The following TIGAR variants were observed in gnomAD, a reference collection of about 807,000 sequenced individuals.
TIGAR encodes the protein TP53 induced glycolysis regulatory phosphatase, also known as fructose-2,6-bisphosphatase TIGAR.
Under a neutral mutation model 17.9 loss-of-function variants are expected in TIGAR, and 7 were observed. The ratio of observed to expected loss-of-function variants is 0.39; its 90% CI spans 0.22 to 0.73. The LOEUF (loss-of-function observed/expected upper bound fraction) is 0.73. Ranked by LOEUF, TIGAR falls within the 30% of genes least tolerant of loss-of-function variation. The pLI is 0.42. For synonymous variants in TIGAR, 94 were observed against 108.6 expected, an observed-to-expected ratio of 0.87 and a Z score of 0.84; for missense variants, 258 against 327.4, an observed-to-expected ratio of 0.79 and a Z score of 1.64.
chr12:4,323,448 A>T (rs373295875), intron 1 of TIGAR, among the ~76,000 whole-genome samples: 28 of 152,334 alleles, frequency 1.8e-4, no homozygotes, highest in South Asian at 1.0e-3. Context: ...CATAGGAATC[A>T]TTTAAAAAAT....
intron 3 of TIGAR, among the ~76,000 whole-genome samples, chr12:4,348,156 AAAAT>A (rs949865703): frequency 3.9e-5 from 6 of 152,278 alleles, no homozygotes; most frequent in East Asian, 1.9e-4. Flanking sequence ...GTCCCTTTAA[AAAAT>A]AAATAAAATA....
At chr12:4,336,504 A>T (rs949476114) in intron 2 of TIGAR, among the ~76,000 whole-genome samples, 1 of 150,070 alleles carries the variant, frequency 6.7e-6, no homozygotes, top group Non-Finnish European at 1.5e-5. Context: ...ACTCACACAC[A>T]TACACCATTT....
chr12:4,340,379 C>G (rs150288197), intron 3 of TIGAR, among the ~76,000 whole-genome samples: 211 of 152,248 alleles, frequency 1.4e-3, no homozygotes, highest in Admixed American at 0.012. Context: ...CTATAAGACA[C>G]TGATGAAAGA....
rs1156662385 is a variant in TIGAR at position 4,326,014 on chromosome 12, T to C, written c.32+4711T>C. ...GGTTTCTGTATGATTTTTGAAGAAA[T>C]GCTGCAGCGTATAAATCCAGGCTAA... is the stretch of plus-strand genomic sequence containing the variant. On this transcript the variant is annotated intron_variant, in intron 1 of 5. Transcript: ENST00000179259. Among the ~76,000 whole-genome samples the C allele has an allele frequency of 3.3e-5, 5 of 152,204 alleles. No homozygotes were observed. The East Asian group carries it at 7.7e-4, about 23-fold the overall frequency.
Position 4,358,444 on chromosome 12 carries a change from A to G in TIGAR, c.*5753A>G, listed in dbSNP as rs1317656994. Among the ~76,000 whole-genome samples the G allele has an allele frequency of 2.0e-5, 3 of 152,286 alleles. No individual in the cohort carries two copies. In the East Asian group the frequency reaches 5.8e-4, roughly 29 times the overall value. ...CAAGAACAGTAGAAGGAATGGCTGT[A>G]TACTCTTCACACTTATTCACCACTT... On this transcript the variant is annotated 3_prime_UTR_variant, in exon 6 of 6. Transcript: ENST00000179259.
intron 2 of TIGAR, among the ~76,000 whole-genome samples, chr12:4,332,684 A>G (rs577157927): frequency 8.5e-4 from 129 of 152,320 alleles, no homozygotes; most frequent in African/African-American, 3.0e-3. Flanking sequence ...GTGTTCTGTC[A>G]GTATGGTTTA....
rs1337081460 is a variant in TIGAR at position 4,354,857 on chromosome 12, G to A, written c.*2166G>A. Among the ~76,000 whole-genome samples the A allele has an allele frequency of 1.3e-5, 2 of 148,816 alleles. No individual in the cohort carries two copies. Among genetic ancestry groups the A allele is most frequent in the East Asian group, 3.9e-4 (2 of 5,068 alleles). On this transcript the variant is annotated 3_prime_UTR_variant, in exon 6 of 6. Transcript: ENST00000179259. ...AGCAATTCTTGTGCCTCAGCCTCCT[G>A]AGTAGCTGGGACTACAGGCATGCAC... is the stretch of plus-strand genomic sequence containing the variant.
chr12:4,338,837 G>A (rs908141469), intron 3 of TIGAR, among the ~76,000 whole-genome samples: 4 of 151,868 alleles, frequency 2.6e-5, no homozygotes, highest in Admixed American at 2.0e-4. Context: ...TCTGCCTGGC[G>A]TGGTGGCAGG....
chr12:4,348,553 G>A (rs1864805823), intron 3 of TIGAR, among the ~76,000 whole-genome samples: 1 of 152,150 alleles, frequency 6.6e-6, no homozygotes, highest in African/African-American at 2.4e-5. Flanking sequence ...TAGGTGAAAT[G>A]ACATTTCAGA....
Position 4,356,657 on chromosome 12 carries a change from C to T in TIGAR, c.*3966C>T, listed in dbSNP as rs1024389333. On this transcript the variant is annotated 3_prime_UTR_variant, in exon 6 of 6. Coordinates refer to ENST00000179259, the MANE Select transcript of TIGAR (RefSeq NM_020375.3). ...TGCATGATCTGTGGGTTTGGACAAA[C>T]GTATGAAGACATGTATTCCACCATT... Among the ~76,000 whole-genome samples, 18 of 152,170 alleles carry T rather than the reference C, an allele frequency of 1.2e-4. No individual in the cohort carries two copies. The highest frequency in any genetic ancestry group is 6.5e-4 in the Admixed American group (10 of 15,282).
Position 4,332,099 on chromosome 12 carries a change from C to T in TIGAR, c.70+782C>T, listed in dbSNP as rs1039963184. On this transcript the variant is annotated intron_variant, in intron 2 of 5. Transcript: ENST00000179259. ...TCTTACCACCTGGCCTTTGGTATTG[C>T]TCATTTCTCTTTTTCCTAAGACATT... 1.2e-4 allele frequency among the ~76,000 whole-genome samples: 19 copies of T among 152,098 alleles called. 1 individual carries two copies. The East Asian group carries it at 2.7e-3, about 22-fold the overall frequency.
At chr12:4,332,238 CTTTTT>C (rs777711454) in intron 2 of TIGAR, among the ~76,000 whole-genome samples, 4 of 95,362 alleles carry the variant, frequency 4.2e-5, no homozygotes, top group Admixed American at 1.4e-4. Context: ...TCATGTATTT[CTTTTT>C]TTTTTTTTTT....
chr12:4,328,196 A>G (rs771709027), intron 1 of TIGAR, among the ~76,000 whole-genome samples: 1 of 151,944 alleles, frequency 6.6e-6, no homozygotes, highest in Non-Finnish European at 1.5e-5. Flanking sequence ...GAGTGTAGGA[A>G]ATCTTTTTTT....
chr12:4,356,802 G>C lies in TIGAR; in HGVS notation c.*4111G>C, dbSNP rs182509413. On this transcript the variant is annotated 3_prime_UTR_variant, in exon 6 of 6. Transcript: ENST00000179259. The stretch of plus-strand genomic sequence containing the variant: ...TAGTCCGAGGCCTAGCAGAGGGAAT[G>C]GGCAGAAGTTTCCAGTTCCAGGCTT... 1.1e-3 allele frequency among the ~76,000 whole-genome samples: 169 copies of C among 152,284 alleles called. No homozygotes were observed. Among genetic ancestry groups the C allele is most frequent in the African/African-American group, 3.9e-3 (161 of 41,552 alleles).
chr12:4,346,639 A>G (rs1241107327), intron 3 of TIGAR, among the ~76,000 whole-genome samples: 1 of 152,200 alleles, frequency 6.6e-6, no homozygotes, highest in Non-Finnish European at 1.5e-5. Flanking sequence ...TAGCATTAGT[A>G]GATATACCTA....
Position 4,354,475 on chromosome 12 carries a change from TG to T in TIGAR, c.*1785del, listed in dbSNP as rs1282919365. The T allele has an allele frequency of 6.6e-6, 1 of 152,114 alleles. No individual in the cohort carries two copies. The highest frequency in any genetic ancestry group is 1.5e-5 in the Non-Finnish European group (1 of 68,024). 9.4% of individuals were successfully genotyped at this position (152,114 alleles called of 1,614,324 possible). A position where few individuals can be genotyped will look rare whatever the true frequency, so the allele number is the denominator to read the frequency against. ...CAGTGAGTCTGTGTATATGTTCACC[TG>T]TTCATCTGCTTGCAATGTTCATCTG... On this transcript the variant is annotated 3_prime_UTR_variant, in exon 6 of 6. Coordinates refer to ENST00000179259, the MANE Select transcript of TIGAR (RefSeq NM_020375.3).
Position 4,326,298 on chromosome 12 carries a change from C to T in TIGAR, c.33-4982C>T, listed in dbSNP as rs550041765. On this transcript the variant is annotated intron_variant, in intron 1 of 5. Transcript: ENST00000179259. The stretch of plus-strand genomic sequence containing the variant: ...TTCTCTGCTGCTATCACAAGTCAGA[C>T]TTGGTTAAGGGAAATAGATTAATAG... Among the ~76,000 whole-genome samples, 4 of 152,350 alleles carry T rather than the reference C, an allele frequency of 2.6e-5. No homozygotes were observed. The South Asian group carries it at 8.3e-4, about 32-fold the overall frequency.
intron 3 of TIGAR, among the ~76,000 whole-genome samples, chr12:4,339,172 TA>T (rs1292824011): frequency 1.3e-5 from 2 of 151,938 alleles, no homozygotes; most frequent in Non-Finnish European, 2.9e-5. Context: ...TAGATTTAAC[TA>T]AGAAGATAAA....
chr12:4,352,920 T>G lies in TIGAR; in HGVS notation c.*229T>G. The G allele has an allele frequency of 2.0e-6, 1 of 498,288 alleles. No individual in the cohort carries two copies. The highest frequency in any genetic ancestry group is 3.5e-6 in the Non-Finnish European group (1 of 281,880). The allele number at this position is 498,288 out of a possible 1,614,324, so 30.9% of individuals were successfully genotyped here. ...AGAATAATTTTACCACCCTGCTAGATGTCATCTCTGGATTGCACATGGATG... is the reference window on the plus strand; with the variant it reads ...AGAATAATTTTACCACCCTGCTAGAGGTCATCTCTGGATTGCACATGGATG... On this transcript the variant is annotated 3_prime_UTR_variant, in exon 6 of 6. Coordinates refer to ENST00000179259, the MANE Select transcript of TIGAR (RefSeq NM_020375.3).
Sources: gnomAD v4.1 joint callset for allele counts (sites outside exome capture counted in the v4.1 genomes callset) on GRCh38, gnomAD v4.1.1 for gene constraint, MANE v1.5 for transcripts, NCBI Gene and HGNC (gene_info 2026-07-23, HGNC 2026-07-21) for gene names.